The following SIPA1L2 variants were observed in gnomAD, a reference collection of about 807,000 sequenced individuals.
The protein encoded by SIPA1L2 is signal-induced proliferation-associated 1-like protein 2.
Under a neutral mutation model 163.9 loss-of-function variants are expected in SIPA1L2, and 56 were observed. That is an observed-to-expected ratio of 0.34 (90% CI 0.28 to 0.43). The LOEUF (loss-of-function observed/expected upper bound fraction) is 0.43. SIPA1L2 is among the 20% of genes least tolerant of loss of function. SIPA1L2 has a pLI of 1.00. For missense variants in SIPA1L2, 1,974 were observed against 2,193.5 expected (o/e 0.90, Z 2.00); for synonymous variants, 877 against 865.7 (o/e 1.01, Z -0.23).
rs539856540 is a variant in SIPA1L2 at position 232,597,857 on chromosome 1, C to T, written c.-318-23635G>A. 2.6e-5 allele frequency among the ~76,000 whole-genome samples: 4 copies of T among 152,160 alleles called. No homozygotes were observed. In the South Asian group the frequency reaches 8.3e-4, roughly 32 times the overall value. Reference sequence around the variant, plus strand: ...GAATCAGAACCCCACACAGGAATTCCTTTTAGACAGGCTGAGTCTGAGGCA... The same window carrying T: ...GAATCAGAACCCCACACAGGAATTCTTTTTAGACAGGCTGAGTCTGAGGCA... On this transcript the variant is annotated intron_variant, in intron 1 of 22. Coordinates refer to ENST00000674635, the MANE Select transcript of SIPA1L2 (RefSeq NM_020808.5).
At chr1:232,490,849 A>G (rs751946770) in intron 5 of SIPA1L2, 25 bp downstream of exon 5, 1 of 1,569,844 alleles carries the variant, frequency 6.4e-7, no homozygotes, top group South Asian at 1.2e-5. Flanking sequence ...TCACACACAA[A>G]CATACAATCT....
chr1:232,539,833 G>A (rs1423848933), intron 2 of SIPA1L2, among the ~76,000 whole-genome samples: 1 of 152,176 alleles, frequency 6.6e-6, no homozygotes, highest in African/African-American at 2.4e-5. Context: ...TGGCTCCTCT[G>A]AGCTTCATTC....
intron 19 of SIPA1L2, among the ~76,000 whole-genome samples, chr1:232,407,895 G>T (rs1660732099): frequency 6.6e-6 from 1 of 152,162 alleles, no homozygotes; most frequent in South Asian, 2.1e-4. Context: ...CTTTTGAAGA[G>T]ACTCCACTTC....
chr1:232,398,922 T>C lies in SIPA1L2; in HGVS notation c.*205A>G, dbSNP rs1436029753. 1.7e-6 allele frequency: 1 copy of C among 603,034 alleles called. No individual in the cohort carries two copies. Among genetic ancestry groups the C allele is most frequent in the African/African-American group, 1.9e-5 (1 of 53,824 alleles). The allele number at this position is 603,034 out of a possible 1,614,324, so 37.4% of individuals were successfully genotyped here. A position where few individuals can be genotyped will look rare whatever the true frequency, so the allele number is the denominator to read the frequency against. On this transcript the variant is annotated 3_prime_UTR_variant, in exon 23 of 23. Coordinates refer to ENST00000674635, the MANE Select transcript of SIPA1L2 (RefSeq NM_020808.5). ...ATCTTCACACCAGGAGTTACATTCA[T>C]TCATCTTCACATCGGCGCTGCTCTC...
intron 8 of SIPA1L2, among the ~76,000 whole-genome samples, chr1:232,470,964 A>T (rs948133905): frequency 1.3e-5 from 2 of 152,176 alleles, no homozygotes; most frequent in African/African-American, 4.8e-5. Flanking sequence ...GGCCTTTTGA[A>T]GTCACCCAAC....
intron 7 of SIPA1L2, among the ~76,000 whole-genome samples, chr1:232,474,777 A>C (rs943083119): frequency 6.6e-6 from 1 of 152,238 alleles, no homozygotes; most frequent in Non-Finnish European, 1.5e-5. Flanking sequence ...AACGAGAGGA[A>C]AAAACTCAAA....
intron 1 of SIPA1L2, among the ~76,000 whole-genome samples, chr1:232,593,150 A>T (rs1166539173): frequency 6.6e-6 from 1 of 152,234 alleles, no homozygotes; most frequent in African/African-American, 2.4e-5. Context: ...ATTTACAACA[A>T]ACACAAAACA....
At chr1:232,597,431 A>G (rs1211569953) in intron 1 of SIPA1L2, among the ~76,000 whole-genome samples, 1 of 151,684 alleles carries the variant, frequency 6.6e-6, no homozygotes, top group Non-Finnish European at 1.5e-5. Flanking sequence ...TAATCCCAGC[A>G]CTTTGGGAGG....
At chr1:232,622,042 T>C (rs1219170904) in intron 1 of SIPA1L2, among the ~76,000 whole-genome samples, 2 of 152,240 alleles carry the variant, frequency 1.3e-5, no homozygotes, top group Non-Finnish European at 2.9e-5. Flanking sequence ...ACATTTTAAA[T>C]GGGAAAAATG....
intron 2 of SIPA1L2, among the ~76,000 whole-genome samples, chr1:232,563,505 A>T (rs789659): frequency 0.15 from 22,317 of 152,104 alleles, 2,986 homozygotes; most frequent in East Asian, 0.54. Context: ...GAAATAGACA[A>T]GAAGGTCTGT....
At chr1:232,443,183 T>C (rs1663005817) in intron 12 of SIPA1L2, among the ~76,000 whole-genome samples, 1 of 152,342 alleles carries the variant, frequency 6.6e-6, no homozygotes, top group Non-Finnish European at 1.5e-5. Flanking sequence ...CGGACTGGAC[T>C]GCGTGGATAC....
Position 232,439,371 on chromosome 1 carries a change from G to A in SIPA1L2, c.3768C>T (p.Thr1256=). 6.2e-7 allele frequency: 1 copy of A among 1,614,180 alleles called. No homozygotes were observed. Among genetic ancestry groups the A allele is most frequent in the Non-Finnish European group, 8.5e-7 (1 of 1,180,034 alleles). ...TGTCGGTGGAGGCCCCTTTGATGTA[G>A]GTCAGCCCCAGTAATTCGGGGTCCA... ...DLMDPELLGL[T]YIKGASTDSG... The change falls in exon 15 of 23, where the codon ACC becomes ACT. Residue 1256 remains threonine, a synonymous_variant. Coordinates refer to ENST00000674635, the MANE Select transcript of SIPA1L2 (RefSeq NM_020808.5).
intron 2 of SIPA1L2, among the ~76,000 whole-genome samples, chr1:232,522,783 T>A (rs538947301): frequency 6.6e-6 from 1 of 152,282 alleles, no homozygotes; most frequent in South Asian, 2.1e-4. Context: ...TAGCTGAAAA[T>A]GTAATATATG....
chr1:232,525,164 T>C (rs973643905), intron 2 of SIPA1L2, among the ~76,000 whole-genome samples: 7 of 151,648 alleles, frequency 4.6e-5, no homozygotes, highest in African/African-American at 1.5e-4. Flanking sequence ...TTTTTTTTTA[T>C]GGCAGGTATT....
At position 232,508,986 on chromosome 1, in the gene SIPA1L2, G is replaced by T. The variant is rs180756077; in HGVS notation, c.1483+4871C>A. 1.2e-3 allele frequency among the ~76,000 whole-genome samples: 189 copies of T among 152,354 alleles called. 2 individuals carry two copies. Among genetic ancestry groups the T allele is most frequent in the African/African-American group, 4.3e-3 (178 of 41,582 alleles). On this transcript the variant is annotated intron_variant, in intron 3 of 22. Coordinates refer to ENST00000674635, the MANE Select transcript of SIPA1L2 (RefSeq NM_020808.5). ...ACATGTCTGTAATCCCAGCTACTTG[G>T]GAGGCTGAGGCAGGAGAATTGCTTG...
At chr1:232,439,760 T>C (rs1353270131) in intron 14 of SIPA1L2, among the ~76,000 whole-genome samples, 3 of 152,222 alleles carry the variant, frequency 2.0e-5, no homozygotes, top group Non-Finnish European at 4.4e-5. Context: ...CACAAAACTA[T>C]GGCCACAGTG....
chr1:232,456,802 C>A (rs554411167), intron 10 of SIPA1L2, among the ~76,000 whole-genome samples: 2 of 152,178 alleles, frequency 1.3e-5, no homozygotes, highest in African/African-American at 2.4e-5. Context: ...CAGAGACTGT[C>A]TGCTTGAGAA....
At chr1:232,582,579 C>T (rs1660439314) in intron 1 of SIPA1L2, among the ~76,000 whole-genome samples, 1 of 152,198 alleles carries the variant, frequency 6.6e-6, no homozygotes, top group East Asian at 1.9e-4. Flanking sequence ...TAGGTTGATC[C>T]CATGTCTTTG....
At chr1:232,403,399 A>C (rs759962567) in intron 21 of SIPA1L2, 49 bp downstream of exon 21, 2 of 1,590,466 alleles carry the variant, frequency 1.3e-6, no homozygotes, top group Non-Finnish European at 1.7e-6. Flanking sequence ...AATCTTGGCT[A>C]ATCATGCCTG....
Sources: gnomAD v4.1 joint callset for allele counts (sites outside exome capture counted in the v4.1 genomes callset) on GRCh38, gnomAD v4.1.1 for gene constraint, MANE v1.5 for transcripts, NCBI Gene and HGNC (gene_info 2026-07-23, HGNC 2026-07-21) for gene names.